CCDC57: variants seen among roughly 807,000 people sequenced by gnomAD.
CCDC57 encodes coiled-coil domain containing 57.
Under a neutral mutation model 118.9 loss-of-function variants are expected in CCDC57, and 118 were observed. The observed-to-expected ratio is 0.99, with a 90% CI of 0.86 to 1.16. The LOEUF is 1.16. CCDC57 is among the 50% of genes most tolerant of loss of function. The pLI is 0.00. For missense variants in CCDC57, 1,300 were observed against 1,320.7 expected (o/e 0.98, Z 0.24); for synonymous variants, 527 against 532.9 (o/e 0.99, Z 0.15).
At chr17:82,210,487 C>A (rs1295790154) in intron 1 of CCDC57, among the ~76,000 whole-genome samples, 1 of 146,734 alleles carries the variant, frequency 6.8e-6, no homozygotes, top group Admixed American at 6.8e-5. Flanking sequence ...GCCTGACCAA[C>A]ATGGTGAAAC....
chr17:82,187,796 GGGGGAGCTGGCAGGGGTTGGCT>G (rs1256810473), intron 8 of CCDC57, among the ~76,000 whole-genome samples: 1 of 133,840 alleles, frequency 7.5e-6, no homozygotes, highest in Non-Finnish European at 1.6e-5. Context: ...GGCGGGGCTG[GGGGGAGCTGGCAGGGGTTGGCT>G]GGGGAGCTGG....
chr17:82,136,902 C>T (rs1473719598), intron 16 of CCDC57, among the ~76,000 whole-genome samples: 20 of 151,736 alleles, frequency 1.3e-4, no homozygotes, highest in Non-Finnish European at 2.9e-4. Flanking sequence ...GTCTTGTTTT[C>T]TCAATCCTTA....
At chr17:82,194,206 A>G (rs1457792862) in intron 5 of CCDC57, 67 bp from the exon 5 acceptor site, 4 of 1,475,892 alleles carry the variant, frequency 2.7e-6, no homozygotes, top group South Asian at 1.2e-5. Context: ...TTAGGGGTAC[A>G]TACTGCTGTT....
intron 19 of CCDC57, among the ~76,000 whole-genome samples, chr17:82,108,178 G>A (rs2034998919): frequency 6.6e-6 from 1 of 152,228 alleles, no homozygotes; most frequent in Non-Finnish European, 1.5e-5. Flanking sequence ...TGGAGCACTC[G>A]GAGAGCAAGT....
At chr17:82,149,266 G>T (rs1456684493) in intron 16 of CCDC57, among the ~76,000 whole-genome samples, 1 of 139,468 alleles carries the variant, frequency 7.2e-6, no homozygotes, top group African/African-American at 2.6e-5. Context: ...GATGGGGGGG[G>T]TGGGTGAATG....
intron 6 of CCDC57, 61 bp downstream of exon 5, chr17:82,193,921 T>A: frequency 6.3e-7 from 1 of 1,579,320 alleles, no homozygotes; most frequent in Non-Finnish European, 8.6e-7. Context: ...TCCCCCAGAC[T>A]CCAGTCCTGG....
chr17:82,136,580 C>CA (rs761497406), intron 16 of CCDC57, among the ~76,000 whole-genome samples: 5,531 of 80,684 alleles, frequency 0.069, 139 homozygotes, highest in South Asian at 0.15. Context: ...TGTATAGTAC[C>CA]AAAAAAAAAA....
chr17:82,201,625 G>A, exon 3 of CCDC57: 2 of 1,613,710 alleles, frequency 1.2e-6, no homozygotes, highest in Non-Finnish European at 1.7e-6. Flanking sequence ...GGCCTCTCTG[G>A]CTAGCGCCTG....
At chr17:82,188,279 A>G in exon 8 of CCDC57, 2 of 1,581,574 alleles carry the variant, frequency 1.3e-6, no homozygotes, top group Non-Finnish European at 1.7e-6. Flanking sequence ...TGCCCTGCGG[A>G]GCTGCGCCTC....
intron 16 of CCDC57, 179 bp from the exon 16 acceptor site, chr17:82,134,373 T>C: frequency 2.1e-6 from 1 of 485,854 alleles, no homozygotes; most frequent in Non-Finnish European, 3.3e-6. Context: ...AGCATTTCGG[T>C]AGAGCTCTTG....
At chr17:82,105,678 G>A (rs2034796915) in intron 19 of CCDC57, among the ~76,000 whole-genome samples, 1 of 152,140 alleles carries the variant, frequency 6.6e-6, no homozygotes, top group Non-Finnish European at 1.5e-5. Context: ...GTGGGACTGA[G>A]TGTGACAACA....
At chr17:82,133,926 T>A (rs1176608502) in intron 17 of CCDC57, 147 bp downstream of exon 16, 1 of 814,502 alleles carries the variant, frequency 1.2e-6, no homozygotes, top group Non-Finnish European at 1.7e-6. Context: ...AGAAAACACA[T>A]TGAAATGTTA....
chr17:82,138,899 G>A (rs529395728), intron 16 of CCDC57, among the ~76,000 whole-genome samples: 49 of 152,322 alleles, frequency 3.2e-4, no homozygotes, highest in African/African-American at 1.1e-3. Flanking sequence ...CTGCCGTTAC[G>A]TTAACTTAGG....
At chr17:82,157,551 G>A (rs1375498534) in intron 15 of CCDC57, 197 bp downstream of exon 14, 3 of 1,430,156 alleles carry the variant, frequency 2.1e-6, no homozygotes, top group Non-Finnish European at 2.7e-6. Flanking sequence ...GAGAAGAGGA[G>A]GCGTGTGGAG....
chr17:82,103,245 T>A (rs1443276766), intron 19 of CCDC57, among the ~76,000 whole-genome samples: 2 of 152,218 alleles, frequency 1.3e-5, no homozygotes, highest in Admixed American at 6.5e-5. Flanking sequence ...GATCCACTCT[T>A]GGGGTCTCAA....
chr17:82,138,316 T>C (rs970113593), intron 16 of CCDC57, among the ~76,000 whole-genome samples: 19 of 150,826 alleles, frequency 1.3e-4, no homozygotes, highest in Admixed American at 1.2e-3. Flanking sequence ...GCCTGGCTAA[T>C]TTTTTGTATT....
chr17:82,194,993 C>T (rs976730886), intron 5 of CCDC57, among the ~76,000 whole-genome samples: 14 of 152,380 alleles, frequency 9.2e-5, no homozygotes, highest in South Asian at 4.1e-4. Flanking sequence ...ATGCCCACCA[C>T]GGGCAGGTGT....
At chr17:82,159,508 C>G (rs1484869423) in intron 14 of CCDC57, among the ~76,000 whole-genome samples, 1 of 152,070 alleles carries the variant, frequency 6.6e-6, no homozygotes, top group Non-Finnish European at 1.5e-5. Context: ...ATTGCAACAA[C>G]AAGGACACAC....
At chr17:82,206,206 G>C (rs2049620255) in intron 2 of CCDC57, among the ~76,000 whole-genome samples, 1 of 152,232 alleles carries the variant, frequency 6.6e-6, no homozygotes, top group African/African-American at 2.4e-5. Flanking sequence ...GAACAGCATG[G>C]GTGGGCATCC....
Sources: allele counts gnomAD v4.1 joint callset (sites outside exome capture counted in the v4.1 genomes callset), GRCh38; gene constraint gnomAD v4.1.1; transcripts MANE v1.5; gene names NCBI Gene and HGNC (gene_info 2026-07-23, HGNC 2026-07-21).